PLCG2: variants seen among roughly 807,000 people sequenced by gnomAD.
PLCG2 encodes phospholipase C gamma 2.
A neutral mutation model predicts 175.6 loss-of-function variants in PLCG2; 69 were observed. That is an observed-to-expected ratio of 0.39 (90% confidence interval 0.32 to 0.48). The LOEUF is 0.48. Ranked by LOEUF, PLCG2 falls within the 20% of genes least tolerant of loss-of-function variation. The pLI is 0.91. For synonymous variants in PLCG2, 827 were observed against 624.0 expected (o/e 1.33, Z -4.85); for missense variants, 1,798 against 1,650.9 (o/e 1.09, Z -1.54).
chr16:81,822,261 A>T (rs1360812864), intron 2 of PLCG2, among the ~76,000 whole-genome samples: 1 of 152,158 alleles, frequency 6.6e-6, no homozygotes, highest in East Asian at 1.9e-4. Context: ...AGATCAGTGG[A>T]CAGGGTGTTG....
chr16:81,797,888 C>T (rs12447670), intron 2 of PLCG2, among the ~76,000 whole-genome samples: 92,122 of 151,008 alleles, frequency 0.61, 28,556 homozygotes, highest in East Asian at 0.89. Flanking sequence ...TGAAGTGCAG[C>T]GGCACAATTT....
chr16:81,907,677 C>T lies in PLCG2; in HGVS notation c.1468-8C>T. 6.2e-7 allele frequency: 1 copy of T among 1,610,874 alleles called. No individual in the cohort carries two copies. Among genetic ancestry groups the T allele is most frequent in the Non-Finnish European group, 8.5e-7 (1 of 1,177,082 alleles). ...TTGGGGGGCACTAATACCAGTTTCA[C>T]TTTCTAGAAATGGACTCGGCACTAC... On this transcript the variant is annotated splice_polypyrimidine_tract_variant and splice_region_variant and intron_variant, in intron 15 of 32. Coordinates refer to ENST00000564138, the MANE Select transcript of PLCG2 (RefSeq NM_002661.5).
intron 13 of PLCG2, among the ~76,000 whole-genome samples, 180 bp from the exon 14 acceptor site, chr16:81,900,432 G>A (rs1213207121): frequency 1.3e-5 from 2 of 152,254 alleles, no homozygotes; most frequent in Non-Finnish European, 2.9e-5. Context: ...TGAGTCCCAA[G>A]ACTTGTGCCT....
chr16:81,916,622 C>A (rs4313806), intron 19 of PLCG2, among the ~76,000 whole-genome samples: 58,477 of 151,142 alleles, frequency 0.39, 12,391 homozygotes, highest in East Asian at 0.78. Flanking sequence ...CTACCCTCAG[C>A]AATTTTCAAG....
At chr16:81,743,620 G>A (rs1352353721) in intron 1 of PLCG2, among the ~76,000 whole-genome samples, 1 of 152,198 alleles carries the variant, frequency 6.6e-6, no homozygotes, top group Admixed American at 6.5e-5. Context: ...GCTTTTATTG[G>A]AACTGGTGGG....
At chr16:81,880,473 A>C (rs1365207466) in intron 7 of PLCG2, among the ~76,000 whole-genome samples, 1 of 152,238 alleles carries the variant, frequency 6.6e-6, no homozygotes, top group East Asian at 1.9e-4. Flanking sequence ...TAGATGTTAC[A>C]AAAATCAAGT....
chr16:81,836,364 G>A lies in PLCG2; in HGVS notation c.194-18080G>A, dbSNP rs534850143. On this transcript the variant is annotated intron_variant, in intron 2 of 32. Coordinates refer to ENST00000564138, the MANE Select transcript of PLCG2 (RefSeq NM_002661.5). ...ATGGACTCGTATTCCCACTGGTGGA[G>A]CCAAGAGGTTTTTGCTGTCTGCAGG... Among the ~76,000 whole-genome samples, 11 of 152,330 alleles carry A rather than the reference G, an allele frequency of 7.2e-5. 1 individual carries two copies. In the South Asian group the frequency reaches 1.9e-3, roughly 26 times the overall value.
rs541925580 is a variant in PLCG2 at position 81,831,042 on chromosome 16, A to G, written c.194-23402A>G. 1.2e-4 allele frequency among the ~76,000 whole-genome samples: 18 copies of G among 152,216 alleles called. No homozygotes were observed. The South Asian group carries it at 2.9e-3, about 25-fold the overall frequency. On this transcript the variant is annotated intron_variant, in intron 2 of 32. Coordinates refer to ENST00000564138, the MANE Select transcript of PLCG2 (RefSeq NM_002661.5). ...GCATTTACTATTTGCTCTGCCTGAA[A>G]TATTCTATCTCAGACATCAGCCCAG...
In PLCG2 at chr16:81,905,347, A is replaced by T. The variant is rs542073528; in HGVS notation, c.1363-56A>T. 9.4e-5 allele frequency: 117 copies of T among 1,244,050 alleles called. No individual in the cohort carries two copies. The East Asian group carries it at 2.6e-3, about 28-fold the overall frequency. 77.1% of individuals were successfully genotyped at this position (1,244,050 alleles called of 1,614,324 possible). The stretch of plus-strand genomic sequence containing the variant: ...AGAGGCAGATGAAGGCTGCTGGCTC[A>T]AAGGCCTAAACTTGGGTCTCCATGG... On this transcript the variant is annotated intron_variant, in intron 14 of 32. Transcript: ENST00000564138.
intron 1 of PLCG2, among the ~76,000 whole-genome samples, chr16:81,742,929 C>T (rs764032310): frequency 1.3e-5 from 2 of 152,220 alleles, no homozygotes; most frequent in Non-Finnish European, 2.9e-5. Flanking sequence ...TATCAACTTG[C>T]AATAACTTAG....
At chr16:81,843,979 C>G (rs1171880074) in intron 2 of PLCG2, among the ~76,000 whole-genome samples, 21 of 148,728 alleles carry the variant, frequency 1.4e-4, no homozygotes, top group Admixed American at 1.3e-3. Flanking sequence ...CTTTTTCTTT[C>G]TTTCTTTTTT....
At chr16:81,896,378 ACACACACACACAC>A in intron 13 of PLCG2, among the ~76,000 whole-genome samples, 1 of 9,026 alleles carries the variant, frequency 1.1e-4, no homozygotes, top group South Asian at 4.2e-3. Flanking sequence ...ACACACACAC[ACACACACACACAC>A]ACACACACAC....
chr16:81,876,484 C>G (rs558733258), intron 7 of PLCG2, among the ~76,000 whole-genome samples: 27 of 152,248 alleles, frequency 1.8e-4, no homozygotes, highest in Admixed American at 5.2e-4. Context: ...TTCTTAGTGC[C>G]CTGGCCCCTG....
At chr16:81,841,831 G>C (rs1163803990) in intron 2 of PLCG2, among the ~76,000 whole-genome samples, 1 of 152,174 alleles carries the variant, frequency 6.6e-6, no homozygotes, top group Non-Finnish European at 1.5e-5. Context: ...CATGTGTGAA[G>C]TAACCTAACA....
intron 17 of PLCG2, 40 bp from the exon 18 acceptor site, chr16:81,910,480 C>A (rs768184408): frequency 1.9e-5 from 30 of 1,590,690 alleles, no homozygotes; most frequent in Non-Finnish European, 2.6e-5. Flanking sequence ...AATGGCCTGG[C>A]CTGCGTTCTC....
Position 81,937,836 on chromosome 16 carries a change from G to A in PLCG2, c.3131G>A (p.Arg1044Lys). ...TACGTTCTGCAGCCTGAGAGCATGA[G>A]GACAGAGAAATATGACCCGATGCCA... is the stretch of plus-strand genomic sequence containing the variant. ...TGYVLQPESM[R>K]TEKYDPMPPE... is the part of the protein sequence containing the mutation. The change falls in exon 28 of 33, where the codon AGG (arginine) becomes AAG (lysine). Residue 1044 changes from arginine to lysine, a missense_variant. Physicochemically the swap from Arg to Lys is conservative, Grantham distance 26. Coordinates refer to ENST00000564138, the MANE Select transcript of PLCG2 (RefSeq NM_002661.5). The A allele has an allele frequency of 6.2e-7, 1 of 1,614,066 alleles. No homozygotes were observed.
chr16:81,921,914 A>G (rs1910078105), intron 21 of PLCG2, among the ~76,000 whole-genome samples: 2 of 152,264 alleles, frequency 1.3e-5, no homozygotes, highest in African/African-American at 4.8e-5. Flanking sequence ...TCTGTTTCAG[A>G]AAGAAATGAA....
intron 31 of PLCG2, among the ~76,000 whole-genome samples, 180 bp from the exon 32 acceptor site, chr16:81,956,515 A>G (rs958048159): frequency 6.6e-6 from 1 of 152,212 alleles, no homozygotes; most frequent in Non-Finnish European, 1.5e-5. Flanking sequence ...CTTCCCACAC[A>G]ATAAATAATT....
chr16:81,889,210 G>A lies in PLCG2; in HGVS notation c.804G>A (p.Arg268=). 6.2e-7 allele frequency: 1 copy of A among 1,606,440 alleles called. No individual in the cohort carries two copies. ...WAQDLNKVRE[R]MTKFIDDTMR... Reference sequence around the variant, plus strand: ...AGGATCTGAACAAAGTCCGTGAGCGGATGACAAAGTTCATTGATGACACCA... The same window carrying A: ...AGGATCTGAACAAAGTCCGTGAGCGAATGACAAAGTTCATTGATGACACCA... Residue 268 remains arginine (R), a synonymous_variant, in exon 10 of 33, where the codon CGG becomes CGA. Transcript: ENST00000564138.
Sources: allele counts gnomAD v4.1 joint callset (sites outside exome capture counted in the v4.1 genomes callset), GRCh38; gene constraint gnomAD v4.1.1; transcripts MANE v1.5; gene names NCBI Gene and HGNC (gene_info 2026-07-23, HGNC 2026-07-21).